BFSP2: variants seen among roughly 807,000 people sequenced by gnomAD.
BFSP2 encodes phakinin.
BFSP2 carries 38 observed loss-of-function variants against 44.9 expected under a neutral mutation model. The ratio of observed to expected loss-of-function variants is 0.85; its 90% CI spans 0.65 to 1.11. The LOEUF is 1.11. Among genes scored for constraint, BFSP2 ranks in the 50% least tolerant of loss-of-function variants. The pLI is 0.00. For synonymous variants in BFSP2, 197 were observed against 209.9 expected, an observed-to-expected ratio of 0.94 and a Z score of 0.53; for missense variants, 525 against 533.0, an observed-to-expected ratio of 0.99 and a Z score of 0.15.
Position 133,468,845 on chromosome 3 carries a change from A to C in BFSP2, c.1023+1886A>C, listed in dbSNP as rs1038244263. On this transcript the variant is annotated intron_variant, in intron 5 of 6. Transcript: ENST00000302334. ...GTGGAGATAATTGTTGTAGCTGCCAATGCAAGTGTGAGCCACTTTAGGATC... is the reference window on the plus strand; with the variant it reads ...GTGGAGATAATTGTTGTAGCTGCCACTGCAAGTGTGAGCCACTTTAGGATC... Among the ~76,000 whole-genome samples, 3 of 152,238 alleles carry C rather than the reference A, an allele frequency of 2.0e-5. No homozygotes were observed. In the East Asian group the frequency reaches 5.8e-4, roughly 29 times the overall value.
intron 1 of BFSP2, among the ~76,000 whole-genome samples, chr3:133,446,376 G>T (rs2073897039): frequency 6.6e-6 from 1 of 151,488 alleles, no homozygotes; most frequent in African/African-American, 2.4e-5. Context: ...AGCAGATATT[G>T]TGCCACTGCA....
chr3:133,404,169 A>C (rs2073384978), intron 1 of BFSP2, among the ~76,000 whole-genome samples: 1 of 152,168 alleles, frequency 6.6e-6, no homozygotes, highest in Non-Finnish European at 1.5e-5. Flanking sequence ...TGGCCTCCCA[A>C]AGGGCTTGGA....
At chr3:133,441,763 C>T (rs2073847506) in intron 1 of BFSP2, among the ~76,000 whole-genome samples, 1 of 152,074 alleles carries the variant, frequency 6.6e-6, no homozygotes, top group South Asian at 2.1e-4. Context: ...TATATTCTAG[C>T]AGAAAATACA....
intron 1 of BFSP2, among the ~76,000 whole-genome samples, chr3:133,425,797 AGGGAAGAAGG>A (rs1324762894): frequency 1.4e-5 from 2 of 142,520 alleles, no homozygotes; most frequent in Non-Finnish European, 3.1e-5. Context: ...AGGGAAGGGA[AGGGAAGAAGG>A]GAAGGGAAGG....
chr3:133,474,606 T>G (rs540955443), intron 6 of BFSP2, among the ~76,000 whole-genome samples: 1 of 152,226 alleles, frequency 6.6e-6, no homozygotes, highest in African/African-American at 2.4e-5. Flanking sequence ...ACAAAGTCAA[T>G]TTAAACAAAC....
In BFSP2 at chr3:133,438,484, G is replaced by GT. The variant is rs1227900373; in HGVS notation, c.490-8833_490-8832insT. On this transcript the variant is annotated intron_variant, in intron 1 of 6. Transcript: ENST00000302334. ...TGGGAGGCAGAGGTTGCAGTGAGCT[G>GT]AGATCACACCACTGCACTCCAGCCT... Among the ~76,000 whole-genome samples the GT allele has an allele frequency of 1.7e-4, 26 of 152,280 alleles. No homozygotes were observed. In the South Asian group the frequency reaches 3.1e-3, roughly 18 times the overall value.
At chr3:133,401,035 G>A (rs562819130) in intron 1 of BFSP2, among the ~76,000 whole-genome samples, 1 of 152,194 alleles carries the variant, frequency 6.6e-6, no homozygotes, top group Non-Finnish European at 1.5e-5. Flanking sequence ...GATGGATGAG[G>A]TGTTAAGAAC....
rs1559963358 is a variant in BFSP2 at position 133,424,216 on chromosome 3, T to TGTGTGTGTGTGTGTGTGTGTGTGTGTGTG, written c.490-23101_490-23100insGTGTGTGTGTGTGTGTGTGTGTGTGTGTG. Reference sequence around the variant, plus strand: ...GCCTACCACCGCGTCCAGCTAATTTTTTTTTTTTTTTTTTTTTTTTTTTTT... The same window carrying TGTGTGTGTGTGTGTGTGTGTGTGTGTGTG: ...GCCTACCACCGCGTCCAGCTAATTTTGTGTGTGTGTGTGTGTGTGTGTGTGTGTGTTTTTTTTTTTTTTTTTTTTTTTTT... On this transcript the variant is annotated intron_variant, in intron 1 of 6. Transcript: ENST00000302334. Among the ~76,000 whole-genome samples, 166 of 49,366 alleles carry TGTGTGTGTGTGTGTGTGTGTGTGTGTGTG rather than the reference T, an allele frequency of 3.4e-3. 5 individuals are homozygous for TGTGTGTGTGTGTGTGTGTGTGTGTGTGTG. Among genetic ancestry groups the TGTGTGTGTGTGTGTGTGTGTGTGTGTGTG allele is most frequent in the African/African-American group, 5.5e-3 (22 of 3,974 alleles). The allele number at this position is 49,366 out of a possible 152,430, so 32.4% of individuals were successfully genotyped here. A position where few individuals can be genotyped will look rare whatever the true frequency, so the allele number is the denominator to read the frequency against.
chr3:133,450,380 C>T lies in BFSP2; in HGVS notation c.807C>T (p.Asp269=), dbSNP rs992576618. 17 of 1,613,974 alleles carry T rather than the reference C, an allele frequency of 1.1e-5. No individual in the cohort carries two copies. The highest frequency in any genetic ancestry group is 1.6e-4 in the Middle Eastern group (1 of 6,084). Residue 269 remains aspartate (D), a synonymous_variant, in exon 4 of 7, where the codon GAC becomes GAT. Coordinates refer to ENST00000302334, the MANE Select transcript of BFSP2 (RefSeq NM_003571.4). ...QMDAPIGTGL[D]DILETIRIQW... is the part of the protein sequence containing the mutation. ...ATGCTCCCATTGGCACTGGTCTGGA[C>T]GACATCCTTGAGACGATCAGAATTC...
In BFSP2 at chr3:133,450,225, C is replaced by A. The variant is rs1281707898; in HGVS notation, c.730-78C>A. On this transcript the variant is annotated intron_variant, in intron 3 of 6. Coordinates refer to ENST00000302334, the MANE Select transcript of BFSP2 (RefSeq NM_003571.4). ...AATGAGAAAAGAATTGCCCACAGAG[C>A]TGGTTTTCTGCTGGCTAGAATTCTA... is the stretch of plus-strand genomic sequence containing the variant. 5 of 1,525,704 alleles carry A rather than the reference C, an allele frequency of 3.3e-6. No individual in the cohort carries two copies. In the East Asian group the frequency reaches 1.1e-4, roughly 35 times the overall value. 94.5% of individuals were successfully genotyped at this position (1,525,704 alleles called of 1,614,324 possible).
chr3:133,421,958 T>C (rs1176780334), intron 1 of BFSP2, among the ~76,000 whole-genome samples: 1 of 151,918 alleles, frequency 6.6e-6, no homozygotes, highest in Non-Finnish European at 1.5e-5. Context: ...AATACAAAAA[T>C]TAGCTGGGTG....
At chr3:133,453,670 T>C (rs997741534) in intron 4 of BFSP2, among the ~76,000 whole-genome samples, 1 of 152,188 alleles carries the variant, frequency 6.6e-6, no homozygotes, top group Non-Finnish European at 1.5e-5. Flanking sequence ...TGCCATCTGC[T>C]ATCAGAGTGG....
rs550607314 is a variant in BFSP2, at chr3:133,425,195, A to C, written c.490-22122A>C. ...ATGGTCATTCATGAGATTTTTAATG[A>C]GGGCTTACTATGCACCAAGCACTAT... On this transcript the variant is annotated intron_variant, in intron 1 of 6. Transcript: ENST00000302334. Among the ~76,000 whole-genome samples the C allele has an allele frequency of 1.3e-4, 20 of 152,300 alleles. No homozygotes were observed. The South Asian group carries it at 4.1e-3, about 32-fold the overall frequency.
chr3:133,430,564 C>T (rs906669235), intron 1 of BFSP2, among the ~76,000 whole-genome samples: 27 of 152,114 alleles, frequency 1.8e-4, no homozygotes, highest in African/African-American at 4.6e-4. Context: ...AGCCAGAAAA[C>T]GGCACTTTCA....
At position 133,448,639 on chromosome 3, in the gene BFSP2, T is replaced by C. The variant is rs749153171; in HGVS notation, c.723T>C (p.Tyr241=). The C allele has an allele frequency of 1.4e-5, 23 of 1,613,486 alleles. No individual in the cohort carries two copies. In the South Asian group the frequency reaches 2.3e-4, roughly 16 times the overall value. ...AACTTGGCTCTCTATCAAGAAACTA[T>C]GAAGAGGTAGGAGGGGGCTGGGGTT... is the stretch of plus-strand genomic sequence containing the variant. ...KEELGSLSRN[Y]EEDVKLLHKQ... The change falls in exon 3 of 7, where the codon TAT becomes TAC. Residue 241 remains tyrosine, a synonymous_variant. Coordinates refer to ENST00000302334, the MANE Select transcript of BFSP2 (RefSeq NM_003571.4).
chr3:133,472,633 C>G, intron 6 of BFSP2, 68 bp downstream of exon 6: 1 of 1,531,566 alleles, frequency 6.5e-7, no homozygotes, highest in Non-Finnish European at 8.8e-7. Flanking sequence ...AATTATTTTC[C>G]AAACACTGTA....
intron 1 of BFSP2, among the ~76,000 whole-genome samples, chr3:133,419,316 C>T (rs375215544): frequency 6.6e-6 from 1 of 152,156 alleles, no homozygotes; most frequent in African/African-American, 2.4e-5. Flanking sequence ...CACGATTCAG[C>T]CCGTAATACC....
At chr3:133,413,821 C>G (rs537787111) in intron 1 of BFSP2, among the ~76,000 whole-genome samples, 2 of 151,970 alleles carry the variant, frequency 1.3e-5, no homozygotes, top group Non-Finnish European at 2.9e-5. Context: ...TTTTTAGTTA[C>G]ATGTTTATTG....
intron 1 of BFSP2, among the ~76,000 whole-genome samples, chr3:133,437,938 G>A (rs1361080903): frequency 6.6e-6 from 1 of 152,248 alleles, no homozygotes; most frequent in Non-Finnish European, 1.5e-5. Flanking sequence ...ATATTTCACA[G>A]AAGCATCAGC....
Sources: gnomAD v4.1 joint callset for allele counts (sites outside exome capture counted in the v4.1 genomes callset) on GRCh38, gnomAD v4.1.1 for gene constraint, MANE v1.5 for transcripts, NCBI Gene and HGNC (gene_info 2026-07-23, HGNC 2026-07-21) for gene names.